CDH10: variants seen among roughly 807,000 people sequenced by gnomAD.
The protein encoded by CDH10 is cadherin 10.
In CDH10, 30 loss-of-function variants were observed where a neutral mutation model predicts 73.1. The observed-to-expected ratio is 0.41, with a 90% CI of 0.31 to 0.56. The LOEUF (loss-of-function observed/expected upper bound fraction) is 0.56, where lower values mean the gene tolerates loss of function less well. Ranked by LOEUF, CDH10 falls within the 20% of genes least tolerant of loss-of-function variation. CDH10 has a pLI of 0.27. For synonymous variants in CDH10, 345 were observed against 348.2 expected, an observed-to-expected ratio of 0.99 and a Z score of 0.10; for missense variants, 815 against 973.7, an observed-to-expected ratio of 0.84 and a Z score of 2.17.
intron 2 of CDH10, among the ~76,000 whole-genome samples, chr5:24,549,265 G>A (rs954119629): frequency 6.6e-6 from 1 of 152,116 alleles, no homozygotes; most frequent in Non-Finnish European, 1.5e-5. Flanking sequence ...AGGAGAAAGA[G>A]TAAGAACGAA....
intron 1 of CDH10, among the ~76,000 whole-genome samples, chr5:24,599,329 T>G (rs975811396): frequency 6.6e-6 from 1 of 152,058 alleles, no homozygotes; most frequent in Non-Finnish European, 1.5e-5. Flanking sequence ...AGTGAAGAGA[T>G]AGGAAGAGAG....
At chr5:24,612,807 A>G (rs1746992778) in intron 1 of CDH10, 2 of 152,206 alleles carry the variant, frequency 1.3e-5, no homozygotes, top group African/African-American at 2.4e-5. Flanking sequence ...ATAGACATAA[A>G]TGGAACTTTT....
rs144781128 is a variant in CDH10 at position 24,556,598 on chromosome 5, C to G, written c.232-18924G>C. 3.2e-3 allele frequency among the ~76,000 whole-genome samples: 480 copies of G among 151,720 alleles called. 4 individuals carry two copies. Among genetic ancestry groups the G allele is most frequent in the African/African-American group, 0.011 (454 of 41,478 alleles). On this transcript the variant is annotated intron_variant, in intron 2 of 11. Coordinates refer to ENST00000264463, the MANE Select transcript of CDH10 (RefSeq NM_006727.5). ...TCAGTTATAATGAGCTCCATCCTTA[C>G]TAAAAAATACCCTAAAAGTGTTACT...
At chr5:24,617,267 A>T (rs1050546116) in intron 1 of CDH10, among the ~76,000 whole-genome samples, 29 of 152,268 alleles carry the variant, frequency 1.9e-4, no homozygotes, top group African/African-American at 6.7e-4. Context: ...CAGACAAAAA[A>T]ATGTCTCCAG....
intron 2 of CDH10, among the ~76,000 whole-genome samples, chr5:24,539,847 T>C (rs924123190): frequency 5.9e-5 from 9 of 152,206 alleles, no homozygotes; most frequent in Non-Finnish European, 8.8e-5. Flanking sequence ...TTTCCAATTA[T>C]ATGCATGTGC....
intron 2 of CDH10, among the ~76,000 whole-genome samples, chr5:24,561,785 T>C (rs115984105): frequency 0.013 from 2,036 of 152,220 alleles, 21 homozygotes; most frequent in Non-Finnish European, 0.018. Flanking sequence ...AAGCTCAAGC[T>C]TGGAGCAACA....
At chr5:24,635,364 CAT>C (rs1292053977) in intron 1 of CDH10, among the ~76,000 whole-genome samples, 5 of 152,008 alleles carry the variant, frequency 3.3e-5, no homozygotes, top group Non-Finnish European at 7.4e-5. Flanking sequence ...AGAAATGGCT[CAT>C]GTTTCACCTG....
At chr5:24,597,328 G>A (rs994997021) in intron 1 of CDH10, among the ~76,000 whole-genome samples, 2 of 152,072 alleles carry the variant, frequency 1.3e-5, no homozygotes, top group East Asian at 1.9e-4. Flanking sequence ...CAATGCAGGC[G>A]GACCATGTGC....
At chr5:24,555,216 G>A (rs1204108956) in intron 2 of CDH10, among the ~76,000 whole-genome samples, 1 of 152,054 alleles carries the variant, frequency 6.6e-6, no homozygotes, top group African/African-American at 2.4e-5. Flanking sequence ...TTGTGCCACT[G>A]GATTTCCTAA....
intron 2 of CDH10, among the ~76,000 whole-genome samples, chr5:24,589,792 A>C (rs1746139851): frequency 6.6e-6 from 1 of 152,118 alleles, no homozygotes; most frequent in Admixed American, 6.5e-5. Flanking sequence ...TAGAAACTAC[A>C]TGTAAAAAGA....
At chr5:24,540,345 C>G (rs1012304941) in intron 2 of CDH10, among the ~76,000 whole-genome samples, 4 of 151,922 alleles carry the variant, frequency 2.6e-5, no homozygotes, top group Admixed American at 6.6e-5. Context: ...AAAACCCTTT[C>G]TCCTATTCTA....
At chr5:24,579,987 C>A (rs905065528) in intron 2 of CDH10, among the ~76,000 whole-genome samples, 1 of 152,066 alleles carries the variant, frequency 6.6e-6, no homozygotes, top group African/African-American at 2.4e-5. Context: ...AATGCTCTAT[C>A]GCTTCAAATA....
At chr5:24,585,496 C>T (rs1745961488) in intron 2 of CDH10, among the ~76,000 whole-genome samples, 1 of 152,176 alleles carries the variant, frequency 6.6e-6, no homozygotes, top group South Asian at 2.1e-4. Flanking sequence ...AATCTCGGCT[C>T]ACTGCAACCT....
At chr5:24,544,135 A>T (rs1472454440) in intron 2 of CDH10, among the ~76,000 whole-genome samples, 1 of 152,148 alleles carries the variant, frequency 6.6e-6, no homozygotes, top group Non-Finnish European at 1.5e-5. Context: ...CTCTACTAAA[A>T]ATACAAAAAT....
In CDH10 at chr5:24,492,905, T is replaced by A. The variant is rs1196514521; in HGVS notation, c.1536A>T (p.Ala512=). The A allele has an allele frequency of 6.6e-7, 1 of 1,525,388 alleles. No individual in the cohort carries two copies. The allele number at this position is 1,525,388 out of a possible 1,614,324, so 94.5% of individuals were successfully genotyped here. Residue 512 remains alanine (A), a synonymous_variant, in exon 10 of 12, where the codon GCA becomes GCT. Transcript: ENST00000264463. ...CACCTAAAGGGTCATCTTTGTCTAC[T>A]GCACTTATAGTCTGTATTAGCTGCA... ...RPGQLIQTIS[A]VDKDDPLGGQ... is the part of the protein sequence containing the mutation.
chr5:24,537,661 T>C lies in CDH10; in HGVS notation c.245A>G (p.Gln82Arg). The C allele has an allele frequency of 6.3e-7, 1 of 1,590,112 alleles. No individual in the cohort carries two copies. Among genetic ancestry groups the C allele is most frequent in the Non-Finnish European group, 8.6e-7 (1 of 1,160,942 alleles). ...TTTGAGTGATCCATCTCCTTTATCT[T>C]GGTCTGAATGTAGCTAGGGGAAATA... Reference protein sequence around the residue: ...YQYVGKLHSDQDKGDGSLKYI... With the variant: ...YQYVGKLHSDRDKGDGSLKYI... Residue 82 changes from glutamine to arginine, a missense_variant, in exon 3 of 12, where the codon CAA (glutamine) becomes CGA (arginine). Gln to Arg is a conservative substitution (Grantham distance 43, BLOSUM62 1). This residue lies in a region of CDH10 where 516 missense variants were observed against 636.6 expected (regional missense o/e 0.81). Transcript: ENST00000264463.
chr5:24,499,997 A>T (rs1299339511), intron 8 of CDH10, among the ~76,000 whole-genome samples: 7 of 152,212 alleles, frequency 4.6e-5, no homozygotes, highest in Non-Finnish European at 2.9e-5. Context: ...ATTAGCTGAA[A>T]ACAAAACAAA....
intron 1 of CDH10, among the ~76,000 whole-genome samples, chr5:24,639,642 T>C (rs1747980519): frequency 6.6e-6 from 1 of 151,800 alleles, no homozygotes; most frequent in African/African-American, 2.4e-5. Context: ...CTTTACAACA[T>C]TTGCTCATTA....
rs1746224801 is a variant in CDH10, at chr5:24,592,278, A to C, written c.231+982T>G. On this transcript the variant is annotated intron_variant, in intron 2 of 11. Coordinates refer to ENST00000264463, the MANE Select transcript of CDH10 (RefSeq NM_006727.5). Reference sequence around the variant, plus strand: ...CTTTCACACAATTTTAATTATTTGAATGAAGATATTATAGTTAAGGTTAAT... The same window carrying C: ...CTTTCACACAATTTTAATTATTTGACTGAAGATATTATAGTTAAGGTTAAT... Among the ~76,000 whole-genome samples the C allele has an allele frequency of 2.0e-5, 3 of 151,862 alleles. No homozygotes were observed. The South Asian group carries it at 6.2e-4, about 31-fold the overall frequency.
Sources: allele counts gnomAD v4.1 joint callset (sites outside exome capture counted in the v4.1 genomes callset), GRCh38; gene constraint gnomAD v4.1.1; regional missense constraint gnomAD v4.1.1; transcripts MANE v1.5; gene names NCBI Gene and HGNC (gene_info 2026-07-23, HGNC 2026-07-21).